PSD3: variants seen among roughly 807,000 people sequenced by gnomAD.
PSD3 encodes pleckstrin and Sec7 domain containing 3, also known as PH and SEC7 domain-containing protein 3.
A neutral mutation model predicts 105.5 loss-of-function variants in PSD3; 49 were observed. The observed-to-expected ratio is 0.46, with a 90% confidence interval of 0.37 to 0.59. The LOEUF (loss-of-function observed/expected upper bound fraction) is 0.59. Among genes scored for constraint, PSD3 ranks in the 20% least tolerant of loss-of-function variants. The pLI is 0.00. For missense variants in PSD3, 1,561 were observed against 1,263.8 expected (o/e 1.24, Z -3.57); for synonymous variants, 557 against 457.8 (o/e 1.22, Z -2.77).
chr8:18,576,870 G>C (rs543288057), intron 12 of PSD3, among the ~76,000 whole-genome samples: 1 of 150,338 alleles, frequency 6.7e-6, no homozygotes, highest in South Asian at 2.1e-4. Context: ...ACAAAGGTTA[G>C]CCTAGAAATT....
intron 9 of PSD3, among the ~76,000 whole-genome samples, chr8:18,661,938 T>C (rs371792776): frequency 1.3e-5 from 2 of 152,224 alleles, no homozygotes; most frequent in African/African-American, 4.8e-5. Context: ...ATAAGCAACC[T>C]GGTCAACATT....
At chr8:18,764,846 A>T (rs1806841698) in intron 9 of PSD3, among the ~76,000 whole-genome samples, 1 of 152,168 alleles carries the variant, frequency 6.6e-6, no homozygotes. Flanking sequence ...ATTATTTTGT[A>T]CTCAATCAAA....
At chr8:18,805,282 T>C (rs115962953) in intron 4 of PSD3, among the ~76,000 whole-genome samples, 156 of 152,310 alleles carry the variant, frequency 1.0e-3, no homozygotes, top group African/African-American at 3.3e-3. Flanking sequence ...GATACAACTA[T>C]TGTTTTCCAG....
rs138734358 is a variant in PSD3 at position 18,712,829 on chromosome 8, A to G, written c.2172+52620T>C. Among the ~76,000 whole-genome samples the G allele has an allele frequency of 6.8e-3, 1,040 of 152,124 alleles. 11 individuals are homozygous for G. The highest frequency in any genetic ancestry group is 8.6e-3 in the Admixed American group (132 of 15,270). ...TATCAAAACCTGGCAGAGATATAACAAAAAAAAGAAAACTTCAAACCAACA... is the reference window on the plus strand; with the variant it reads ...TATCAAAACCTGGCAGAGATATAACGAAAAAAAGAAAACTTCAAACCAACA... On this transcript the variant is annotated intron_variant, in intron 9 of 15. Coordinates refer to ENST00000327040, the MANE Select transcript of PSD3 (RefSeq NM_015310.4).
At chr8:18,694,256 C>T (rs1801138438) in intron 9 of PSD3, among the ~76,000 whole-genome samples, 2 of 152,242 alleles carry the variant, frequency 1.3e-5, no homozygotes, top group South Asian at 2.1e-4. Context: ...TCTGCTACCA[C>T]CACACTGTTC....
chr8:18,814,452 G>A lies in PSD3; in HGVS notation c.1635-9554C>T, dbSNP rs774977107. On this transcript the variant is annotated intron_variant, in intron 4 of 15. Coordinates refer to ENST00000327040, the MANE Select transcript of PSD3 (RefSeq NM_015310.4). ...TTTTCACCCATGTAGGGGTTCAAAC[G>A]TTTCTAGGGGCATGATGCAGGTTTT... 1.1e-3 allele frequency among the ~76,000 whole-genome samples: 167 copies of A among 152,228 alleles called. 2 individuals are homozygous for A. The highest frequency in any genetic ancestry group is 1.7e-3 in the Non-Finnish European group (114 of 68,020).
chr8:18,592,058 C>T (rs1803652622), intron 12 of PSD3, among the ~76,000 whole-genome samples: 1 of 151,870 alleles, frequency 6.6e-6, no homozygotes, highest in Non-Finnish European at 1.5e-5. Context: ...TTCAATGGAA[C>T]AAAATGAATT....
intron 9 of PSD3, among the ~76,000 whole-genome samples, chr8:18,686,023 A>G (rs1211396465): frequency 6.6e-6 from 1 of 152,154 alleles, no homozygotes; most frequent in African/African-American, 2.4e-5. Flanking sequence ...GGTTAGATTA[A>G]AAAACAAACA....
intron 10 of PSD3, among the ~76,000 whole-genome samples, chr8:18,636,567 T>A (rs1270634912): frequency 1.3e-5 from 2 of 152,170 alleles, no homozygotes; most frequent in Middle Eastern, 3.2e-3. Flanking sequence ...TCAAATCCAT[T>A]CAACACTCAC....
intron 9 of PSD3, among the ~76,000 whole-genome samples, chr8:18,758,189 G>A (rs1213464576): frequency 1.3e-5 from 2 of 152,070 alleles, no homozygotes; most frequent in African/African-American, 4.8e-5. Flanking sequence ...GATGTCTCCA[G>A]CTATACTTGT....
chr8:18,589,718 C>A (rs1803456072), intron 12 of PSD3, among the ~76,000 whole-genome samples: 1 of 152,162 alleles, frequency 6.6e-6, no homozygotes, highest in African/African-American at 2.4e-5. Flanking sequence ...TGGCAAGAAG[C>A]AGCCCTGAAA....
chr8:19,051,106 C>T (rs1828513258), intron 1 of PSD3, among the ~76,000 whole-genome samples: 1 of 152,168 alleles, frequency 6.6e-6, no homozygotes, highest in African/African-American at 2.4e-5. Context: ...CACATCTGAT[C>T]ATGTCTCACC....
intron 9 of PSD3, among the ~76,000 whole-genome samples, chr8:18,664,508 G>A (rs1402003558): frequency 2.0e-5 from 3 of 152,206 alleles, no homozygotes; most frequent in Non-Finnish European, 1.5e-5. Context: ...GGTAACAGAT[G>A]TCGGTTCGTG....
intron 8 of PSD3, among the ~76,000 whole-genome samples, chr8:18,790,413 C>A (rs554410693): frequency 6.6e-6 from 1 of 151,568 alleles, no homozygotes; most frequent in East Asian, 2.0e-4. Context: ...TGCCATTCTC[C>A]TGCCTCAGCC....
At chr8:18,580,111 G>A (rs1802714925) in intron 12 of PSD3, among the ~76,000 whole-genome samples, 1 of 152,040 alleles carries the variant, frequency 6.6e-6, no homozygotes, top group South Asian at 2.1e-4. Flanking sequence ...GTCTGATTAG[G>A]CGTCTTTCTA....
chr8:18,998,007 C>T (rs4633102), intron 1 of PSD3, among the ~76,000 whole-genome samples: 53,183 of 151,312 alleles, frequency 0.35, 9,734 homozygotes, highest in East Asian at 0.39. Flanking sequence ...TTTTATTTTA[C>T]TTATTTTTTT....
At chr8:18,819,403 G>A (rs1365654165) in intron 4 of PSD3, among the ~76,000 whole-genome samples, 1 of 152,018 alleles carries the variant, frequency 6.6e-6, no homozygotes, top group Non-Finnish European at 1.5e-5. Flanking sequence ...AGCAGCCAGA[G>A]ATGCTACTCA....
At chr8:18,960,211 G>A (rs757360049) in intron 1 of PSD3, among the ~76,000 whole-genome samples, 4 of 152,180 alleles carry the variant, frequency 2.6e-5, no homozygotes, top group Non-Finnish European at 5.9e-5. Context: ...GAACAAAGAC[G>A]ATGCTCAACT....
intron 2 of PSD3, among the ~76,000 whole-genome samples, chr8:18,882,596 T>A (rs527838538): frequency 6.6e-6 from 1 of 152,306 alleles, no homozygotes; most frequent in Admixed American, 6.5e-5. Context: ...GAATTCAGCA[T>A]GATCCTACAT....
Sources: gnomAD v4.1 joint callset for allele counts (sites outside exome capture counted in the v4.1 genomes callset) on GRCh38, gnomAD v4.1.1 for gene constraint, MANE v1.5 for transcripts, NCBI Gene and HGNC (gene_info 2026-07-23, HGNC 2026-07-21) for gene names.